CNTN3: variants seen among roughly 807,000 people sequenced by gnomAD.
The protein encoded by CNTN3 is contactin-3.
In CNTN3, 60 loss-of-function variants were observed where a neutral mutation model predicts 119.1. The ratio of observed to expected loss-of-function variants is 0.50; its 90% CI spans 0.41 to 0.62. The LOEUF is 0.62. Among genes scored for constraint, CNTN3 ranks in the 20% least tolerant of loss-of-function variants. The pLI is 0.00. For synonymous variants in CNTN3, 450 were observed against 438.7 expected (o/e 1.03, Z -0.32); for missense variants, 1,101 against 1,242.4 (o/e 0.89, Z 1.71).
intron 1 of CNTN3, among the ~76,000 whole-genome samples, chr3:74,567,314 ATTTTTTTTTT>A (rs67671839): frequency 9.7e-5 from 8 of 82,720 alleles, no homozygotes; most frequent in Admixed American, 8.0e-4. Context: ...CAAATTTTTA[ATTTTTTTTTT>A]TTTTTTTTTT....
chr3:74,339,266 C>T (rs1703472904), intron 11 of CNTN3, among the ~76,000 whole-genome samples: 1 of 152,040 alleles, frequency 6.6e-6, no homozygotes, highest in Non-Finnish European at 1.5e-5. Context: ...CTGGGAGATA[C>T]AGACTATATC....
chr3:74,499,803 A>G lies in CNTN3; in HGVS notation c.56-18T>C, dbSNP rs1225415340. On this transcript the variant is annotated intron_variant, in intron 2 of 22. Coordinates refer to ENST00000263665, the MANE Select transcript of CNTN3 (RefSeq NM_020872.3). ...AAGCTCACCTATATGGGTGGGAGAC[A>G]TCCAAAAAATAATAATCAGTAAAAG... 4.4e-6 allele frequency: 7 copies of G among 1,574,264 alleles called. No homozygotes were observed. In the Admixed American group the frequency reaches 1.2e-4, roughly 28 times the overall value.
chr3:74,485,740 GA>G (rs5850178), intron 4 of CNTN3, among the ~76,000 whole-genome samples: 59,381 of 145,038 alleles, frequency 0.41, 13,873 homozygotes, highest in Non-Finnish European at 0.55. Flanking sequence ...CTAATAAAAA[GA>G]AAAAAAAAAA....
At chr3:74,267,755 TG>T (rs541259640) in intron 20 of CNTN3, among the ~76,000 whole-genome samples, 1 of 151,958 alleles carries the variant, frequency 6.6e-6, no homozygotes, top group Non-Finnish European at 1.5e-5. Context: ...AACACGTCGA[TG>T]GGGGGGATAA....
chr3:74,336,780 C>T, intron 11 of CNTN3, 122 bp from the exon 12 acceptor site: 1 of 692,924 alleles, frequency 1.4e-6, no homozygotes, highest in South Asian at 3.0e-5. Flanking sequence ...ATCAACCAGT[C>T]CTTAGCTTTT....
At chr3:74,361,326 C>A (rs959940200) in intron 11 of CNTN3, among the ~76,000 whole-genome samples, 2 of 152,114 alleles carry the variant, frequency 1.3e-5, no homozygotes, top group South Asian at 4.1e-4. Context: ...GATTAGGTCA[C>A]AGCACTGAGC....
In CNTN3 at chr3:74,371,357, A is replaced by G; in HGVS notation, c.497T>C (p.Val166Ala). The change falls in exon 6 of 23, where the codon GTT becomes GCT. Residue 166 changes from valine to alanine, a missense_variant. Transcript: ENST00000263665. ...AWIFNEYPSF[V>A]EEDSRRFVSQ... Reference sequence around the variant, plus strand: ...GACAAATCTCCGACTATCTTCTTCAACAAACGATGGGTATTCATTGAAGAT... The same window carrying G: ...GACAAATCTCCGACTATCTTCTTCAGCAAACGATGGGTATTCATTGAAGAT... 1 of 1,613,454 alleles carries G rather than the reference A, an allele frequency of 6.2e-7. No homozygotes were observed.
chr3:74,351,666 T>C (rs1703818961), intron 11 of CNTN3, among the ~76,000 whole-genome samples: 1 of 152,184 alleles, frequency 6.6e-6, no homozygotes, highest in African/African-American at 2.4e-5. Context: ...ATGTAAATAA[T>C]GATACAAATA....
intron 1 of CNTN3, among the ~76,000 whole-genome samples, chr3:74,589,134 C>T (rs1704652292): frequency 6.6e-6 from 1 of 151,684 alleles, no homozygotes; most frequent in South Asian, 2.1e-4. Context: ...AGAGCTTCTG[C>T]ACAGCAAAAG....
At chr3:74,284,786 G>T (rs1331896784) in intron 20 of CNTN3, among the ~76,000 whole-genome samples, 1 of 152,128 alleles carries the variant, frequency 6.6e-6, no homozygotes, top group Non-Finnish European at 1.5e-5. Flanking sequence ...ACTCAGCTTT[G>T]AAAGCAACAC....
intron 2 of CNTN3, among the ~76,000 whole-genome samples, chr3:74,505,760 AC>A (rs1290829598): frequency 9.8e-5 from 15 of 152,326 alleles, no homozygotes; most frequent in African/African-American, 3.1e-4. Flanking sequence ...ATTAGGAATA[AC>A]TAATGTGTCT....
intron 1 of CNTN3, among the ~76,000 whole-genome samples, chr3:74,586,583 T>C (rs565563117): frequency 6.6e-6 from 1 of 152,164 alleles, no homozygotes; most frequent in African/African-American, 2.4e-5. Flanking sequence ...GAGACATTGG[T>C]TTTTAGTTAC....
chr3:74,480,753 A>G (rs906894240), intron 4 of CNTN3, among the ~76,000 whole-genome samples: 6 of 151,972 alleles, frequency 3.9e-5, no homozygotes, highest in African/African-American at 1.4e-4. Flanking sequence ...AATTCAGCAA[A>G]AATATTCAGC....
intron 1 of CNTN3, among the ~76,000 whole-genome samples, chr3:74,542,127 G>A (rs1171425731): frequency 6.6e-6 from 1 of 152,148 alleles, no homozygotes; most frequent in East Asian, 1.9e-4. Flanking sequence ...CCAGCTATTT[G>A]GGAGGCTGAA....
chr3:74,510,076 T>C (rs1215348117), intron 2 of CNTN3, among the ~76,000 whole-genome samples: 1 of 150,992 alleles, frequency 6.6e-6, no homozygotes, highest in Non-Finnish European at 1.5e-5. Flanking sequence ...CTTAGTAAAT[T>C]AGCAATTGTC....
rs1005216524 is a variant in CNTN3, at chr3:74,266,734, A to T, written c.2818-85T>A. The T allele has an allele frequency of 5.6e-6, 7 of 1,244,760 alleles. No individual in the cohort carries two copies. In the African/African-American group the frequency reaches 9.0e-5, roughly 16 times the overall value. 77.1% of individuals were successfully genotyped at this position (1,244,760 alleles called of 1,614,324 possible). On this transcript the variant is annotated intron_variant, in intron 21 of 22. Coordinates refer to ENST00000263665, the MANE Select transcript of CNTN3 (RefSeq NM_020872.3). ...GAATTTGTCTCTCTGAAATTAACTA[A>T]TTTTGTCCTTCTATATCCACTAGAA...
At chr3:74,554,082 GT>G (rs1704033882) in intron 1 of CNTN3, among the ~76,000 whole-genome samples, 1 of 152,038 alleles carries the variant, frequency 6.6e-6, no homozygotes, top group South Asian at 2.1e-4. Context: ...TCCATCTTGA[GT>G]TGATTTTTGT....
intron 3 of CNTN3, 44 bp downstream of exon 3, chr3:74,499,615 G>C (rs771609347): frequency 6.4e-7 from 1 of 1,563,086 alleles, no homozygotes; most frequent in Admixed American, 2.0e-5. Context: ...CCACATAAGT[G>C]TGTTTAGTTT....
chr3:74,400,511 G>T (rs556358662), intron 5 of CNTN3, among the ~76,000 whole-genome samples: 1 of 152,116 alleles, frequency 6.6e-6, no homozygotes, highest in Non-Finnish European at 1.5e-5. Flanking sequence ...ATTTGAGAAA[G>T]GTGTATTTCA....
Sources: gnomAD v4.1 joint callset for allele counts (sites outside exome capture counted in the v4.1 genomes callset) on GRCh38, gnomAD v4.1.1 for gene constraint, MANE v1.5 for transcripts, NCBI Gene and HGNC (gene_info 2026-07-23, HGNC 2026-07-21) for gene names.